Variants in SSH1 observed in about 807,000 individuals in gnomAD.
SSH1 encodes protein phosphatase Slingshot homolog 1.
Under a neutral mutation model 79.7 loss-of-function variants are expected in SSH1, and 43 were observed. The observed-to-expected ratio is 0.54, with a 90% confidence interval of 0.42 to 0.70. The LOEUF is 0.70. SSH1 is among the 30% of genes least tolerant of loss of function. The pLI is 0.00. For missense variants in SSH1, 1,206 were observed against 1,358.8 expected (o/e 0.89, Z 1.77); for synonymous variants, 599 against 538.3 (o/e 1.11, Z -1.56).
intron 5 of SSH1, among the ~76,000 whole-genome samples, chr12:108,815,437 C>A (rs561147127): frequency 1.3e-5 from 2 of 152,310 alleles, no homozygotes; most frequent in Admixed American, 6.5e-5. Context: ...GATTTCCGTT[C>A]GGGATCAGAA....
chr12:108,824,433 C>A (rs1332524666), intron 2 of SSH1, among the ~76,000 whole-genome samples: 2 of 147,384 alleles, frequency 1.4e-5, no homozygotes, highest in Non-Finnish European at 3.0e-5. Context: ...CCAGCCTGGG[C>A]GACAGAGCAA....
rs2036977988 is a variant in SSH1 at position 108,801,022 on chromosome 12, C to T, written c.1002-96G>A. On this transcript the variant is annotated intron_variant, in intron 11 of 14. Coordinates refer to ENST00000326495, the MANE Select transcript of SSH1 (RefSeq NM_018984.4). ...CTGGCAGAGAAAAGAAAAGGAAACA[C>T]ACATTAACCAAGGGTCATATGTTCG... The T allele has an allele frequency of 4.8e-6, 6 of 1,254,102 alleles. No homozygotes were observed. In the South Asian group the frequency reaches 6.4e-5, roughly 13 times the overall value. 77.7% of individuals were successfully genotyped at this position (1,254,102 alleles called of 1,614,324 possible).
In SSH1 at chr12:108,780,827, T is replaced by A. The variant is rs2036138155; in HGVS notation, c.*7161A>T. ...GCCAAGGCGGGTGGATTACCTGAGG[T>A]TGGGAGTTTGAGAACAGCCTGACCA... On this transcript the variant is annotated 3_prime_UTR_variant, in exon 15 of 15. Coordinates refer to ENST00000326495, the MANE Select transcript of SSH1 (RefSeq NM_018984.4). The A allele has an allele frequency of 6.6e-6, 1 of 151,270 alleles. No homozygotes were observed. Among genetic ancestry groups the A allele is most frequent in the South Asian group, 2.1e-4 (1 of 4,780 alleles). 9.4% of individuals were successfully genotyped at this position (151,270 alleles called of 1,614,324 possible). A position where few individuals can be genotyped will look rare whatever the true frequency, so the allele number is the denominator to read the frequency against.
chr12:108,779,662 TCTAC>T lies in SSH1; in HGVS notation c.*8322_*8325del, dbSNP rs1592983558. The T allele has an allele frequency of 6.6e-6, 1 of 152,092 alleles. No homozygotes were observed. Among genetic ancestry groups the T allele is most frequent in the African/African-American group, 2.4e-5 (1 of 41,396 alleles). 9.4% of individuals were successfully genotyped at this position (152,092 alleles called of 1,614,324 possible). A position where few individuals can be genotyped will look rare whatever the true frequency, so the allele number is the denominator to read the frequency against. On this transcript the variant is annotated 3_prime_UTR_variant, in exon 15 of 15. Coordinates refer to ENST00000326495, the MANE Select transcript of SSH1 (RefSeq NM_018984.4). ...AAGAAAGTTAGAAAAAGGACTCTCC[TCTAC>T]CTTTTTTTTTCTTTTTTTTGTTTTT...
chr12:108,836,662 A>G (rs1206896317), intron 2 of SSH1, among the ~76,000 whole-genome samples: 2 of 152,238 alleles, frequency 1.3e-5, no homozygotes, highest in South Asian at 2.1e-4. Flanking sequence ...ACATAATTTT[A>G]AAGTATCTCT....
In SSH1 at chr12:108,818,764, T is replaced by C. The variant is rs184426682; in HGVS notation, c.215-451A>G. 1.8e-4 allele frequency among the ~76,000 whole-genome samples: 28 copies of C among 152,232 alleles called. No individual in the cohort carries two copies. In the East Asian group the frequency reaches 5.0e-3, roughly 27 times the overall value. The stretch of plus-strand genomic sequence containing the variant: ...CATCACGTTTCCTCTTCAAACAACT[T>C]CTTCTTCTATACAGAGTCTCGCACT... On this transcript the variant is annotated intron_variant, in intron 3 of 14. Transcript: ENST00000326495.
At chr12:108,827,182 G>T in intron 2 of SSH1, 1 of 1,383,406 alleles carries the variant, frequency 7.2e-7, no homozygotes, top group Non-Finnish European at 9.7e-7. Flanking sequence ...AAAAACCCCA[G>T]GCCCCCAAAA....
At chr12:108,800,632 A>G (rs3213776) in intron 12 of SSH1, 148 bp downstream of exon 12, 457,066 of 901,780 alleles carry the variant, frequency 0.51, 121,816 homozygotes, top group East Asian at 0.75. Context: ...CATCAAGTCC[A>G]CTCCCACCAG....
Position 108,780,411 on chromosome 12 carries a change from C to A in SSH1, c.*7577G>T, listed in dbSNP as rs1013350917. ...CCTAGGGCCTTGAACAAATAAGTAT[C>A]GGATGAGTTTTATGAACACACATTG... On this transcript the variant is annotated 3_prime_UTR_variant, in exon 15 of 15. Transcript: ENST00000326495. 1.3e-5 allele frequency: 2 copies of A among 152,180 alleles called. No individual in the cohort carries two copies. Among genetic ancestry groups the A allele is most frequent in the African/African-American group, 4.8e-5 (2 of 41,430 alleles). 9.4% of individuals were successfully genotyped at this position (152,180 alleles called of 1,614,324 possible).
intron 3 of SSH1, among the ~76,000 whole-genome samples, chr12:108,822,374 G>C (rs560569957): frequency 1.3e-5 from 2 of 152,206 alleles, no homozygotes; most frequent in Non-Finnish European, 2.9e-5. Flanking sequence ...GTTCAAGCGA[G>C]ATCTGCCCAC....
At chr12:108,799,284 C>CTCAGGTTTTACCCG in intron 12 of SSH1, 84 bp from the exon 13 acceptor site, 3 of 1,175,646 alleles carry the variant, frequency 2.6e-6, no homozygotes, top group Non-Finnish European at 3.6e-6. Context: ...ACTTCATTCT[C>CTCAGGTTTTACCCG]TCAGGTTTTA....
chr12:108,797,621 G>T (rs2036810150), intron 13 of SSH1, among the ~76,000 whole-genome samples: 1 of 152,234 alleles, frequency 6.6e-6, no homozygotes, highest in Non-Finnish European at 1.5e-5. Flanking sequence ...TCAGGAAGAA[G>T]TGCCTGGATG....
chr12:108,814,583 A>C (rs1288617520), intron 5 of SSH1, among the ~76,000 whole-genome samples: 5 of 152,114 alleles, frequency 3.3e-5, no homozygotes, highest in African/African-American at 1.2e-4. Context: ...TGTCAGGCCC[A>C]GCGACAGGAA....
At chr12:108,795,744 C>T (rs1221543720) in intron 13 of SSH1, among the ~76,000 whole-genome samples, 2 of 151,900 alleles carry the variant, frequency 1.3e-5, no homozygotes, top group African/African-American at 4.8e-5. Flanking sequence ...CCTGTAGTCC[C>T]AGCTGTTTGG....
intron 14 of SSH1, among the ~76,000 whole-genome samples, chr12:108,790,328 T>C (rs796870626): frequency 3.9e-5 from 6 of 152,282 alleles, no homozygotes; most frequent in African/African-American, 1.4e-4. Flanking sequence ...TTTAATATTT[T>C]TAGTAGAGAT....
chr12:108,805,990 C>G (rs1046815103), intron 9 of SSH1, among the ~76,000 whole-genome samples: 1 of 152,058 alleles, frequency 6.6e-6, no homozygotes, highest in Non-Finnish European at 1.5e-5. Flanking sequence ...TAAAACAGAT[C>G]AATGCTTCTC....
chr12:108,805,609 G>A (rs1483258467), intron 9 of SSH1, among the ~76,000 whole-genome samples: 1 of 151,400 alleles, frequency 6.6e-6, no homozygotes, highest in Non-Finnish European at 1.5e-5. Context: ...CTGTAATCCC[G>A]GCACTCTGGG....
chr12:108,849,291 G>A (rs879546396), intron 2 of SSH1, among the ~76,000 whole-genome samples: 6 of 152,310 alleles, frequency 3.9e-5, no homozygotes, highest in Admixed American at 1.3e-4. Context: ...CTGTCATCAC[G>A]CCTGTAATCC....
intron 5 of SSH1, among the ~76,000 whole-genome samples, chr12:108,814,910 C>G (rs1468651359): frequency 6.6e-6 from 1 of 152,234 alleles, no homozygotes; most frequent in African/African-American, 2.4e-5. Flanking sequence ...AGCCAGGCAG[C>G]AGCGGAGTGG....
Sources: allele counts gnomAD v4.1 joint callset (sites outside exome capture counted in the v4.1 genomes callset), GRCh38; gene constraint gnomAD v4.1.1; transcripts MANE v1.5; gene names NCBI Gene and HGNC (gene_info 2026-07-23, HGNC 2026-07-21).